The following ROBO2 variants were observed in gnomAD, a reference collection of about 807,000 sequenced individuals.
ROBO2 encodes the protein roundabout homolog 2.
In ROBO2, 53 loss-of-function variants were observed where a neutral mutation model predicts 160.8. That is an observed-to-expected ratio of 0.33 (90% CI 0.26 to 0.41). The LOEUF (loss-of-function observed/expected upper bound fraction) is 0.41. Ranked by LOEUF, ROBO2 falls within the 10% of genes least tolerant of loss-of-function variation. The pLI is 1.00. For missense variants in ROBO2, 1,577 were observed against 1,722.4 expected (o/e 0.92, Z 1.49); for synonymous variants, 664 against 611.7 (o/e 1.09, Z -1.26).
intron 2 of ROBO2, among the ~76,000 whole-genome samples, chr3:76,157,528 CAG>C (rs757943629): frequency 6.6e-6 from 1 of 152,152 alleles, no homozygotes; most frequent in Admixed American, 6.5e-5. Context: ...TAATTATAGA[CAG>C]ATGTATATTT....
intron 2 of ROBO2, among the ~76,000 whole-genome samples, chr3:77,298,622 T>A (rs147158690): frequency 1.1e-4 from 16 of 152,282 alleles, no homozygotes; most frequent in African/African-American, 3.8e-4. Flanking sequence ...AGTACACTGT[T>A]GTAATAGCTG....
chr3:76,286,727 A>G (rs1035052241), intron 2 of ROBO2, among the ~76,000 whole-genome samples: 6 of 152,300 alleles, frequency 3.9e-5, no homozygotes, highest in Non-Finnish European at 7.4e-5. Context: ...TAATTTAGGA[A>G]TAAATTCCAG....
chr3:77,220,727 C>T lies in ROBO2; in HGVS notation c.388+122387C>T, dbSNP rs545746647. The stretch of plus-strand genomic sequence containing the variant: ...AAACTTTCATGGTAGGTGTAACTAA[C>T]TTCATCTGACTCATGAAGAGAGATT... On this transcript the variant is annotated intron_variant, in intron 2 of 25. Coordinates refer to ENST00000461745, the Ensembl canonical transcript of ROBO2. Among the ~76,000 whole-genome samples the T allele has an allele frequency of 5.9e-5, 9 of 152,188 alleles. No individual in the cohort carries two copies. The South Asian group carries it at 1.9e-3, about 32-fold the overall frequency.
intron 2 of ROBO2, among the ~76,000 whole-genome samples, chr3:77,365,422 AT>A (rs963440145): frequency 5.3e-5 from 8 of 151,506 alleles, no homozygotes; most frequent in Non-Finnish European, 1.0e-4. Flanking sequence ...TTAGATAAGA[AT>A]TTTTTTTCTT....
intron 2 of ROBO2, among the ~76,000 whole-genome samples, chr3:76,261,744 A>G (rs879582369): frequency 4.9e-4 from 74 of 152,134 alleles, no homozygotes; most frequent in Non-Finnish European, 9.3e-4. Flanking sequence ...AGTAGATTGT[A>G]TGTATTAGAA....
intron 2 of ROBO2, among the ~76,000 whole-genome samples, chr3:76,092,161 C>A (rs79316772): frequency 6.6e-6 from 1 of 151,974 alleles, no homozygotes; most frequent in Non-Finnish European, 1.5e-5. Context: ...TGGGACGTTG[C>A]GCATGTGTGG....
intron 2 of ROBO2, among the ~76,000 whole-genome samples, chr3:77,408,295 G>A (rs570750680): frequency 2.8e-4 from 43 of 152,068 alleles, no homozygotes; most frequent in South Asian, 1.5e-3. Context: ...TGTATGTGTC[G>A]TTTATATTTT....
At chr3:76,097,478 T>C (rs559973485) in intron 2 of ROBO2, among the ~76,000 whole-genome samples, 2 of 152,180 alleles carry the variant, frequency 1.3e-5, no homozygotes, top group Admixed American at 6.5e-5. Flanking sequence ...AGTCTTAGAA[T>C]TCTGAATATT....
intron 2 of ROBO2, among the ~76,000 whole-genome samples, chr3:76,333,092 T>C (rs1202607617): frequency 6.6e-6 from 1 of 152,200 alleles, no homozygotes; most frequent in Non-Finnish European, 1.5e-5. Flanking sequence ...ACGCCTAGTA[T>C]ATGTAAACTG....
At chr3:76,272,952 TA>T (rs1707638336) in intron 2 of ROBO2, among the ~76,000 whole-genome samples, 1 of 23,894 alleles carries the variant, frequency 4.2e-5, no homozygotes, top group Non-Finnish European at 1.7e-4. Flanking sequence ...ATAAAATATA[TA>T]ATATATATTT....
At chr3:77,135,674 G>A (rs988707277) in intron 2 of ROBO2, among the ~76,000 whole-genome samples, 1 of 151,992 alleles carries the variant, frequency 6.6e-6, no homozygotes, top group Non-Finnish European at 1.5e-5. Context: ...CTCTCAGAGT[G>A]CTGGGATTTA....
At position 76,914,483 on chromosome 3, in the gene ROBO2, C is replaced by T. The variant is rs189447692; in HGVS notation, c.110-183531C>T. 2.5e-3 allele frequency among the ~76,000 whole-genome samples: 384 copies of T among 151,866 alleles called. 1 individual carries two copies. Among genetic ancestry groups the T allele is most frequent in the Non-Finnish European group, 4.1e-3 (282 of 67,962 alleles). On this transcript the variant is annotated intron_variant, in intron 2 of 26. Coordinates refer to the ROBO2 transcript ENST00000487694. ...GTTTTTTTTTTTAATTCATGAATAA[C>T]TGCTACCTATATCTACTGCTGAATC...
intron 2 of ROBO2, among the ~76,000 whole-genome samples, chr3:77,339,430 G>C (rs998686777): frequency 2.0e-5 from 3 of 152,036 alleles, no homozygotes; most frequent in Admixed American, 2.0e-4. Flanking sequence ...CACATTTTCA[G>C]ACTTGAAGTT....
intron 2 of ROBO2, among the ~76,000 whole-genome samples, chr3:76,935,128 T>A (rs2077614801): frequency 1.3e-5 from 2 of 152,004 alleles, no homozygotes; most frequent in Admixed American, 1.3e-4. Flanking sequence ...ATTTTTTGTA[T>A]TTTTAGTAGA....
At chr3:76,395,574 G>A (rs565159137) in intron 2 of ROBO2, among the ~76,000 whole-genome samples, 36 of 151,000 alleles carry the variant, frequency 2.4e-4, no homozygotes, top group African/African-American at 8.3e-4. Flanking sequence ...TAGACCGCTA[G>A]CAAGACTAAT....
intron 2 of ROBO2, among the ~76,000 whole-genome samples, chr3:76,318,318 A>C (rs2072219541): frequency 6.6e-6 from 1 of 152,120 alleles, no homozygotes; most frequent in East Asian, 1.9e-4. Context: ...TATGTTCTTT[A>C]TAATGTCAGA....
At chr3:77,311,575 G>A (rs572532851) in intron 2 of ROBO2, among the ~76,000 whole-genome samples, 4 of 152,270 alleles carry the variant, frequency 2.6e-5, no homozygotes, top group South Asian at 2.1e-4. Flanking sequence ...GGGATTCAGC[G>A]TTAAATCAAA....
At chr3:77,551,298 AG>A (rs774235246) in intron 8 of ROBO2, among the ~76,000 whole-genome samples, 15 of 152,142 alleles carry the variant, frequency 9.9e-5, no homozygotes, top group Non-Finnish European at 1.8e-4. Flanking sequence ...ATTTAGTCTT[AG>A]GCTGACATGA....
intron 2 of ROBO2, among the ~76,000 whole-genome samples, chr3:77,105,139 A>G (rs2150131241): frequency 6.6e-6 from 1 of 152,332 alleles, no homozygotes; most frequent in South Asian, 2.1e-4. Context: ...GTTCAGACTA[A>G]GAAATTAATG....
Sources: allele counts gnomAD v4.1 joint callset (sites outside exome capture counted in the v4.1 genomes callset), GRCh38; gene constraint gnomAD v4.1.1; transcripts MANE v1.5; gene names NCBI Gene and HGNC (gene_info 2026-07-23, HGNC 2026-07-21).